Variants in CFAP58 observed in about 807,000 individuals in gnomAD.
CFAP58 encodes the protein cilia and flagella associated protein 58, also known as cilia- and flagella-associated protein 58.
In CFAP58, 88 loss-of-function variants were observed where a neutral mutation model predicts 119.5. That is an observed-to-expected ratio of 0.74 (90% CI 0.62 to 0.88). The LOEUF (loss-of-function observed/expected upper bound fraction) is 0.88. Among genes scored for constraint, CFAP58 ranks in the 40% least tolerant of loss-of-function variants. The pLI is 0.00. For synonymous variants in CFAP58, 365 were observed against 366.3 expected, an observed-to-expected ratio of 1.00 and a Z score of 0.04; for missense variants, 990 against 1,021.2, an observed-to-expected ratio of 0.97 and a Z score of 0.42.
chr10:104,341,036 C>T, the CFAP58 span, among the ~76,000 whole-genome samples: 59 of 152,118 alleles, frequency 3.9e-4, no homozygotes, highest in African/African-American at 1.4e-3. Flanking sequence ...TGTGAGCTCC[C>T]AATTTATACT....
upstream of CFAP58, chr10:104,351,456 A>G (rs995521284): frequency 3.3e-5 from 5 of 152,384 alleles, no homozygotes; most frequent in Admixed American, 1.3e-4. Flanking sequence ...CCCTTCAAGC[A>G]TGATGACTAA....
At chr10:104,391,766 G>T (rs1334221155) in intron 9 of CFAP58, among the ~76,000 whole-genome samples, 1 of 152,164 alleles carries the variant, frequency 6.6e-6, no homozygotes, top group Non-Finnish European at 1.5e-5. Flanking sequence ...GCAAGATAGC[G>T]TTATGATTGC....
At chr10:104,428,044 T>C (rs2012778614) in intron 15 of CFAP58, among the ~76,000 whole-genome samples, 1 of 152,258 alleles carries the variant, frequency 6.6e-6, no homozygotes, top group African/African-American at 2.4e-5. Context: ...CTTGCTTAGA[T>C]AAAATTACCT....
At position 104,353,854 on chromosome 10, in the gene CFAP58, G is replaced by T; in HGVS notation, c.-44G>T. The T allele has an allele frequency of 1.2e-6, 2 of 1,601,464 alleles. No homozygotes were observed. Among genetic ancestry groups the T allele is most frequent in the Non-Finnish European group, 1.7e-6 (2 of 1,170,678 alleles). On this transcript the variant is annotated 5_prime_UTR_variant, in exon 1 of 18. Coordinates refer to ENST00000369704, the MANE Select transcript of CFAP58 (RefSeq NM_001008723.2). Reference sequence around the variant, plus strand: ...TCCCAGACTCCGGCCCAGCTCCTGCGATCTCCACAGCAGCCTCTGAGGCCG... The same window carrying T: ...TCCCAGACTCCGGCCCAGCTCCTGCTATCTCCACAGCAGCCTCTGAGGCCG...
intron 13 of CFAP58, among the ~76,000 whole-genome samples, chr10:104,401,558 T>C (rs2012265811): frequency 6.6e-6 from 1 of 152,142 alleles, no homozygotes; most frequent in Non-Finnish European, 1.5e-5. Flanking sequence ...CAAATAAGAG[T>C]TCTGGTATTT....
In CFAP58 at chr10:104,358,494, G is replaced by C. The variant is rs1284247280; in HGVS notation, c.163G>C (p.Asp55His). 1 of 1,614,080 alleles carries C rather than the reference G, an allele frequency of 6.2e-7. No individual in the cohort carries two copies. Among genetic ancestry groups the C allele is most frequent in the Admixed American group, 1.7e-5 (1 of 60,018 alleles). ...RLHAVMKKSY[D>H]NEKRLMAKCR... ...TCATGCTGTCATGAAAAAGTCTTATGACAATGAAAAGCGTCTGATGGCCAA... is the reference window on the plus strand; with the variant it reads ...TCATGCTGTCATGAAAAAGTCTTATCACAATGAAAAGCGTCTGATGGCCAA... The change falls in exon 2 of 18, where the codon GAC (aspartate) becomes CAC (histidine). Residue 55 changes from aspartate (D) to histidine (H), a missense_variant. Asp to His is a moderately conservative substitution (Grantham distance 81). Transcript: ENST00000369704.
chr10:104,367,000 T>C (rs2014759579), intron 5 of CFAP58, among the ~76,000 whole-genome samples: 1 of 151,990 alleles, frequency 6.6e-6, no homozygotes, highest in South Asian at 2.1e-4. Flanking sequence ...CCCGAGTAAC[T>C]GGAGTCTGCC....
the CFAP58 span, among the ~76,000 whole-genome samples, chr10:104,343,126 C>T: frequency 6.6e-6 from 1 of 152,188 alleles, no homozygotes; most frequent in Admixed American, 6.5e-5. Flanking sequence ...ACCCTGATTT[C>T]AACTTCACAT....
chr10:104,381,631 G>A (rs1278415820), intron 9 of CFAP58, among the ~76,000 whole-genome samples: 1 of 147,424 alleles, frequency 6.8e-6, no homozygotes, highest in Non-Finnish European at 1.5e-5. Flanking sequence ...TTTTTTTTTT[G>A]GAGTGAAATG....
chr10:104,425,502 C>T (rs368111276), intron 15 of CFAP58, among the ~76,000 whole-genome samples: 12 of 152,296 alleles, frequency 7.9e-5, no homozygotes, highest in Admixed American at 2.6e-4. Flanking sequence ...CTCCCATAGC[C>T]GCAGCTAACA....
intron 15 of CFAP58, among the ~76,000 whole-genome samples, chr10:104,417,238 G>T (rs1179563723): frequency 5.3e-5 from 8 of 152,208 alleles, no homozygotes; most frequent in African/African-American, 1.9e-4. Context: ...GCATGGGCCT[G>T]GCCTTGTTGC....
intron 9 of CFAP58, among the ~76,000 whole-genome samples, chr10:104,391,729 T>C (rs12248699): frequency 0.028 from 4,315 of 152,254 alleles, 211 homozygotes; most frequent in African/African-American, 0.099. Context: ...GCTTTTCAGT[T>C]CCCCTGATGG....
At chr10:104,413,884 AT>A (rs1240774490) in intron 15 of CFAP58, among the ~76,000 whole-genome samples, 1 of 152,208 alleles carries the variant, frequency 6.6e-6, no homozygotes, top group Non-Finnish European at 1.5e-5. Context: ...TGCTAGAGGC[AT>A]TTAAAACATG....
chr10:104,388,724 C>T (rs965831081), intron 9 of CFAP58, among the ~76,000 whole-genome samples: 1 of 152,162 alleles, frequency 6.6e-6, no homozygotes, highest in African/African-American at 2.4e-5. Context: ...CTAATCCCAC[C>T]TTGGTCTATG....
intron 17 of CFAP58, among the ~76,000 whole-genome samples, chr10:104,451,514 A>C (rs1313152402): frequency 6.6e-6 from 1 of 152,228 alleles, no homozygotes. Context: ...CAGGCTCTGG[A>C]AACCTGCAAT....
the CFAP58 span, among the ~76,000 whole-genome samples, chr10:104,342,650 C>T: frequency 1.3e-4 from 18 of 135,730 alleles, no homozygotes; most frequent in Admixed American, 6.4e-4. Flanking sequence ...GCCAATATGG[C>T]GAAGCCCCGT....
At chr10:104,447,917 C>T in intron 16 of CFAP58, 100 bp downstream of exon 16, 1 of 1,400,216 alleles carries the variant, frequency 7.1e-7, no homozygotes. Flanking sequence ...GCCAGTCTCT[C>T]AATGCCACGA....
chr10:104,387,720 C>T (rs2011952224), intron 9 of CFAP58, among the ~76,000 whole-genome samples: 1 of 152,170 alleles, frequency 6.6e-6, no homozygotes, highest in South Asian at 2.1e-4. Flanking sequence ...TAAAACCACT[C>T]CTAGTAAATT....
chr10:104,437,962 T>A (rs1215242877), intron 15 of CFAP58, among the ~76,000 whole-genome samples: 1 of 151,538 alleles, frequency 6.6e-6, no homozygotes, highest in Non-Finnish European at 1.5e-5. Flanking sequence ...TAATTACAAA[T>A]CAGTAAAAAA....
Sources: gnomAD v4.1 joint callset for allele counts (sites outside exome capture counted in the v4.1 genomes callset) on GRCh38, gnomAD v4.1.1 for gene constraint, MANE v1.5 for transcripts, NCBI Gene and HGNC (gene_info 2026-07-23, HGNC 2026-07-21) for gene names.